The following PRKCZ variants were observed in gnomAD, a reference collection of about 807,000 sequenced individuals.
PRKCZ encodes protein kinase C zeta.
In PRKCZ, 33 loss-of-function variants were observed where a neutral mutation model predicts 79.5. The ratio of observed to expected loss-of-function variants is 0.41; its 90% CI spans 0.31 to 0.55. The LOEUF (loss-of-function observed/expected upper bound fraction) is 0.55, where lower values mean the gene tolerates loss of function less well. Ranked by LOEUF, PRKCZ falls within the 20% of genes least tolerant of loss-of-function variation. PRKCZ has a pLI of 0.19. For synonymous variants in PRKCZ, 342 were observed against 320.9 expected, an observed-to-expected ratio of 1.07 and a Z score of -0.70; for missense variants, 578 against 813.5, an observed-to-expected ratio of 0.71 and a Z score of 3.52.
At position 2,135,344 on chromosome 1, in the gene PRKCZ, C is replaced by G; in HGVS notation, c.417C>G (p.Asn139Lys). 4 of 1,610,798 alleles carry G rather than the reference C, an allele frequency of 2.5e-6. No homozygotes were observed. Among genetic ancestry groups the G allele is most frequent in the Non-Finnish European group, 3.4e-6 (4 of 1,177,958 alleles). Residue 139 changes from asparagine (N) to lysine (K), a missense_variant, in exon 5 of 18, where the codon AAC (asparagine) becomes AAG (lysine). Transcript: ENST00000378567. ...ACCTCTTCCAAGCCAAGCGCTTTAACAGGGTGAGTGGCCCCCTTGGGACTA... is the reference window on the plus strand; with the variant it reads ...ACCTCTTCCAAGCCAAGCGCTTTAAGAGGGTGAGTGGCCCCCTTGGGACTA... ...NGHLFQAKRF[N>K]RRAYCGQCSE...
At chr1:2,114,176 C>T (rs886849711) in intron 4 of PRKCZ, among the ~76,000 whole-genome samples, 2 of 145,918 alleles carry the variant, frequency 1.4e-5, no homozygotes, top group East Asian at 2.0e-4. Flanking sequence ...GACGCTCCGT[C>T]GTGGCCTGGG....
At chr1:2,131,943 T>C (rs577397954) in intron 4 of PRKCZ, among the ~76,000 whole-genome samples, 7 of 152,206 alleles carry the variant, frequency 4.6e-5, no homozygotes, top group South Asian at 4.2e-4. Flanking sequence ...TCCCAAGTAG[T>C]TGGGACTACA....
rs1208800209 is a variant in PRKCZ at position 2,094,590 on chromosome 1, G to A, written c.334+34999G>A. 1.1e-5 allele frequency among the ~76,000 whole-genome samples: 1 copy of A among 88,614 alleles called. No individual in the cohort carries two copies. The highest frequency in any genetic ancestry group is 2.0e-5 in the Non-Finnish European group (1 of 50,748). The allele number at this position is 88,614 out of a possible 152,430, so 58.1% of individuals were successfully genotyped here. A position where few individuals can be genotyped will look rare whatever the true frequency, so the allele number is the denominator to read the frequency against. On this transcript the variant is annotated intron_variant, in intron 4 of 17. Transcript: ENST00000378567. The surrounding 1 kb of genome is among the most constrained non-coding windows in gnomAD (Gnocchi z 7.3). Reference sequence around the variant, plus strand: ...CCTTGGGCGCTGCCCGTTCTGAGGCGCCCGCTGTGCCCGGCTCGATGAACC... The same window carrying A: ...CCTTGGGCGCTGCCCGTTCTGAGGCACCCGCTGTGCCCGGCTCGATGAACC...
At chr1:2,170,471 A>G (rs1451036927) in intron 11 of PRKCZ, among the ~76,000 whole-genome samples, 1 of 137,660 alleles carries the variant, frequency 7.3e-6, no homozygotes, top group Non-Finnish European at 1.5e-5. Flanking sequence ...ACTTCCCACA[A>G]CGCTGTTTTT....
At chr1:2,061,318 C>G (rs999211465) in intron 4 of PRKCZ, among the ~76,000 whole-genome samples, 2 of 152,022 alleles carry the variant, frequency 1.3e-5, no homozygotes, top group African/African-American at 4.8e-5. Context: ...ACGACCTCGG[C>G]ATTGCCTCTC....
chr1:2,076,869 A>G (rs1435461189), intron 4 of PRKCZ, among the ~76,000 whole-genome samples: 1 of 152,222 alleles, frequency 6.6e-6, no homozygotes, highest in Non-Finnish European at 1.5e-5. Flanking sequence ...ACGCTGTGGC[A>G]GAGCCCCTCC....
In PRKCZ at chr1:2,050,682, C is replaced by T; in HGVS notation, c.52C>T (p.Leu18Phe). ...GGAAGGGAGCGGCGGCCGCGTCCGC[C>T]TCAAGGCGCATTACGGGGGGTGAGC... ...KMEGSGGRVR[L>F]KAHYGGDIFI... The change falls in exon 1 of 18, where the codon CTC (leucine) becomes TTC (phenylalanine). Residue 18 changes from leucine to phenylalanine, a missense_variant. Physicochemically the swap from Leu to Phe is conservative, Grantham distance 22. Around this residue, in one of 4 missense-constraint regions of PRKCZ, gnomAD observed 228 missense variants for 211.6 expected, o/e 1.08. Transcript: ENST00000378567. 2 of 1,227,364 alleles carry T rather than the reference C, an allele frequency of 1.6e-6. No homozygotes were observed. Among genetic ancestry groups the T allele is most frequent in the Non-Finnish European group, 2.0e-6 (2 of 984,874 alleles). The allele number at this position is 1,227,364 out of a possible 1,614,324, so 76.0% of individuals were successfully genotyped here.
At chr1:2,052,650 C>T (rs368296110) in intron 1 of PRKCZ, among the ~76,000 whole-genome samples, 2 of 152,102 alleles carry the variant, frequency 1.3e-5, no homozygotes, top group Non-Finnish European at 2.9e-5. Context: ...TCTGGCTCCT[C>T]GTCCCTCTGG....
intron 16 of PRKCZ, chr1:2,182,552 G>A (rs1686809087): frequency 6.5e-6 from 1 of 154,950 alleles, no homozygotes; most frequent in South Asian, 2.0e-4. Flanking sequence ...GCGGCTGCTG[G>A]GTGCCCTGTG....
At chr1:2,054,273 T>A (rs1223205249) in intron 1 of PRKCZ, among the ~76,000 whole-genome samples, 1 of 152,158 alleles carries the variant, frequency 6.6e-6, no homozygotes, top group Non-Finnish European at 1.5e-5. Flanking sequence ...CGCGCTCTTG[T>A]GGGTGTCAGA....
Position 2,149,979 on chromosome 1 carries a change from A to G in PRKCZ, c.688-811A>G, listed in dbSNP as rs1358872191. On this transcript the variant is annotated intron_variant, in intron 8 of 17. Transcript: ENST00000378567. This position sits in a 1 kb window ranked among gnomAD's most constrained non-coding sequence, Gnocchi z 4.1. ...GGAGACCATCCTGGCTAACACGGTG[A>G]AACCCCGTCTCTACTAAAAATACAA... Among the ~76,000 whole-genome samples, 1 of 151,542 alleles carries G rather than the reference A, an allele frequency of 6.6e-6. No individual in the cohort carries two copies. Among genetic ancestry groups the G allele is most frequent in the African/African-American group, 2.4e-5 (1 of 41,204 alleles).
At chr1:2,134,898 G>C (rs371298286) in intron 4 of PRKCZ, 1 of 168,518 alleles carries the variant, frequency 5.9e-6, no homozygotes, top group African/African-American at 2.4e-5. Flanking sequence ...GGGGAGGAGG[G>C]GGGTGGAAAG....
chr1:2,126,813 G>A (rs1673993637), intron 4 of PRKCZ, among the ~76,000 whole-genome samples: 1 of 152,206 alleles, frequency 6.6e-6, no homozygotes, highest in South Asian at 2.1e-4. Context: ...CAGTCCCCAT[G>A]CCACTGCATT....
chr1:2,176,497 CTG>C (rs1455518507), intron 16 of PRKCZ, among the ~76,000 whole-genome samples: 1 of 152,190 alleles, frequency 6.6e-6, no homozygotes, highest in Non-Finnish European at 1.5e-5. Context: ...TGAGGAGCGT[CTG>C]TGGAATTTGT....
intron 4 of PRKCZ, among the ~76,000 whole-genome samples, chr1:2,114,784 A>C (rs1434556808): frequency 6.6e-6 from 1 of 151,926 alleles, no homozygotes; most frequent in Non-Finnish European, 1.5e-5. Context: ...AAAAAAAAAG[A>C]AAAAGAAAAA....
chr1:2,169,211 T>C (rs1487475455), intron 10 of PRKCZ: 1 of 478,456 alleles, frequency 2.1e-6, no homozygotes, highest in East Asian at 6.0e-5. Flanking sequence ...CACTCCCACC[T>C]GGTGACGGGC....
chr1:2,110,373 G>T (rs1167229883), intron 4 of PRKCZ, among the ~76,000 whole-genome samples: 1 of 152,214 alleles, frequency 6.6e-6, no homozygotes, highest in Admixed American at 6.5e-5. Context: ...CTGCAGCTCC[G>T]GCACTGGCTT....
rs573476113 is a variant in PRKCZ at position 2,183,023 on chromosome 1, C to T, written c.1576-1560C>T. Among the ~76,000 whole-genome samples the T allele has an allele frequency of 2.0e-4, 30 of 152,136 alleles. No individual in the cohort carries two copies. In the East Asian group the frequency reaches 5.4e-3, roughly 28 times the overall value. ...GGCAGATGATCTGAGGTCAGCAGTT[C>T]GGGAGCAGCCTGGTCAACATGGTGA... On this transcript the variant is annotated intron_variant, in intron 16 of 17. Coordinates refer to ENST00000378567, the MANE Select transcript of PRKCZ (RefSeq NM_002744.6).
intron 4 of PRKCZ, among the ~76,000 whole-genome samples, chr1:2,110,385 C>T (rs1669482835): frequency 6.6e-6 from 1 of 152,230 alleles, no homozygotes; most frequent in African/African-American, 2.4e-5. Flanking sequence ...CACTGGCTTC[C>T]TCCGTTCAGG....
Sources: allele counts gnomAD v4.1 joint callset (sites outside exome capture counted in the v4.1 genomes callset), GRCh38; gene constraint gnomAD v4.1.1; regional missense constraint gnomAD v4.1.1; non-coding constraint Gnocchi (gnomAD v3.1); transcripts MANE v1.5; gene names NCBI Gene and HGNC (gene_info 2026-07-23, HGNC 2026-07-21).